The following HMHB1 variants were observed in gnomAD, a reference collection of about 807,000 sequenced individuals.
HMHB1 encodes the protein histocompatibility minor HB-1, also known as minor histocompatibility protein HB-1.
A neutral mutation model predicts 2.4 loss-of-function variants in HMHB1; 4 were observed. The observed-to-expected ratio is 1.65, with a 90% CI of 0.81 to 3.77. The LOEUF (loss-of-function observed/expected upper bound fraction) is 3.77, where lower values mean the gene tolerates loss of function less well. HMHB1 is among the 30% of genes most tolerant of loss of function. The probability of loss-of-function intolerance (pLI) is 0.01; values close to 1 mark genes in which losing one functional copy is unlikely to be tolerated. For synonymous variants in HMHB1, 22 were observed against 17.6 expected, an observed-to-expected ratio of 1.25 and a Z score of -0.63; for missense variants, 57 against 44.2, an observed-to-expected ratio of 1.29 and a Z score of -0.82.
At chr5:143,813,753 T>A (rs1034569070) in intron 1 of HMHB1, among the ~76,000 whole-genome samples, 2 of 152,226 alleles carry the variant, frequency 1.3e-5, no homozygotes, top group Admixed American at 6.5e-5. Context: ...TAACTTTTTT[T>A]ATCTCCAGAT....
At position 143,812,166 on chromosome 5, in the gene HMHB1, T is replaced by A. The variant is rs1581009835; in HGVS notation, c.-102T>A. The A allele has an allele frequency of 6.8e-6, 7 of 1,029,606 alleles. No homozygotes were observed. The East Asian group carries it at 1.8e-4, about 27-fold the overall frequency. The allele number at this position is 1,029,606 out of a possible 1,614,324, so 63.8% of individuals were successfully genotyped here. ...CAATTCTGCAGATGAGGAAACCACATCCCAGGAGGCCGAGGCGGCTTGCCC... is the reference window on the plus strand; with the variant it reads ...CAATTCTGCAGATGAGGAAACCACAACCCAGGAGGCCGAGGCGGCTTGCCC... On this transcript the variant is annotated 5_prime_UTR_variant, in exon 1 of 2. Coordinates refer to ENST00000289448, the MANE Select transcript of HMHB1 (RefSeq NM_021182.3).
At chr5:143,814,459 T>C (rs1008864) in intron 1 of HMHB1, among the ~76,000 whole-genome samples, 5,642 of 152,312 alleles carry the variant, frequency 0.037, 254 homozygotes, top group African/African-American at 0.092. Flanking sequence ...TGACTTACAC[T>C]GGCCCCAACA....
intron 1 of HMHB1, among the ~76,000 whole-genome samples, chr5:143,817,923 G>T (rs1759767590): frequency 6.6e-6 from 1 of 152,150 alleles, no homozygotes; most frequent in African/African-American, 2.4e-5. Context: ...GAAATTAAAG[G>T]AGACCTTTGA....
chr5:143,820,679 G>C lies in HMHB1; in HGVS notation c.*111G>C. Reference sequence around the variant, plus strand: ...TAAGCAAGTGGAACATATGCCCTTTGCCTCTGCTCTGCACAGTGAAATGAA... The same window carrying C: ...TAAGCAAGTGGAACATATGCCCTTTCCCTCTGCTCTGCACAGTGAAATGAA... On this transcript the variant is annotated 3_prime_UTR_variant, in exon 2 of 2. Coordinates refer to ENST00000289448, the MANE Select transcript of HMHB1 (RefSeq NM_021182.3). 1 of 713,514 alleles carries C rather than the reference G, an allele frequency of 1.4e-6. No homozygotes were observed. The highest frequency in any genetic ancestry group is 2.6e-6 in the Non-Finnish European group (1 of 390,166). 44.2% of individuals were successfully genotyped at this position (713,514 alleles called of 1,614,324 possible). A position where few individuals can be genotyped will look rare whatever the true frequency, so the allele number is the denominator to read the frequency against.
At position 143,812,323 on chromosome 5, in the gene HMHB1, G is replaced by C; in HGVS notation, c.37+19G>C. On this transcript the variant is annotated intron_variant, in intron 1 of 1. Coordinates refer to ENST00000289448, the MANE Select transcript of HMHB1 (RefSeq NM_021182.3). ...AAAAGAGGTGAGGGAGCGAGGAGGA[G>C]GGAGAACAGAGAGAGAGGGAAAGAG... 6.4e-7 allele frequency: 1 copy of C among 1,550,556 alleles called. No individual in the cohort carries two copies. The highest frequency in any genetic ancestry group is 8.7e-7 in the Non-Finnish European group (1 of 1,145,938).
chr5:143,817,169 C>T (rs1398224455), intron 1 of HMHB1, among the ~76,000 whole-genome samples: 1 of 152,164 alleles, frequency 6.6e-6, no homozygotes, highest in Non-Finnish European at 1.5e-5. Context: ...CATCTGTTTA[C>T]TCTGCTGTTT....
chr5:143,818,623 T>G (rs905563345), intron 1 of HMHB1, among the ~76,000 whole-genome samples: 1 of 152,244 alleles, frequency 6.6e-6, no homozygotes, highest in Non-Finnish European at 1.5e-5. Context: ...CTATGCAGCC[T>G]ATAGTTAAAC....
intron 1 of HMHB1, 53 bp downstream of exon 1, chr5:143,812,357 G>C: frequency 4.0e-6 from 6 of 1,499,842 alleles, no homozygotes; most frequent in Non-Finnish European, 5.4e-6. Flanking sequence ...AGGCAGCGAA[G>C]GGGCAGAGAA....
chr5:143,812,353 C>G, intron 1 of HMHB1, 49 bp downstream of exon 1: 1 of 1,500,704 alleles, frequency 6.7e-7, no homozygotes, highest in Non-Finnish European at 9.1e-7. Flanking sequence ...AAAGAGGCAG[C>G]GAAGGGGCAG....
Position 143,820,460 on chromosome 5 carries a change from T to C in HMHB1, c.38-20T>C. The C allele has an allele frequency of 1.3e-6, 2 of 1,499,488 alleles. No homozygotes were observed. Among genetic ancestry groups the C allele is most frequent in the South Asian group, 2.3e-5 (2 of 88,730 alleles). 92.9% of individuals were successfully genotyped at this position (1,499,488 alleles called of 1,614,324 possible). A position where few individuals can be genotyped will look rare whatever the true frequency, so the allele number is the denominator to read the frequency against. On this transcript the variant is annotated intron_variant, in intron 1 of 1. Coordinates refer to ENST00000289448, the MANE Select transcript of HMHB1 (RefSeq NM_021182.3). Reference sequence around the variant, plus strand: ...AGAAGTTGTAAGCTCAAGTCTCAGCTAAGCCATTCTTTTCTATAGGTTCTC... The same window carrying C: ...AGAAGTTGTAAGCTCAAGTCTCAGCCAAGCCATTCTTTTCTATAGGTTCTC...
intron 1 of HMHB1, among the ~76,000 whole-genome samples, chr5:143,815,441 T>C (rs929400560): frequency 6.6e-6 from 1 of 152,180 alleles, no homozygotes; most frequent in Non-Finnish European, 1.5e-5. Context: ...TCTCTAACCT[T>C]TTTTCAAAGT....
intron 1 of HMHB1, among the ~76,000 whole-genome samples, chr5:143,818,773 T>C (rs947843902): frequency 1.3e-5 from 2 of 152,180 alleles, no homozygotes; most frequent in East Asian, 1.9e-4. Flanking sequence ...ATTTTTTTTT[T>C]CTCTTCCTTT....
intron 1 of HMHB1, among the ~76,000 whole-genome samples, chr5:143,818,580 G>A (rs1465659088): frequency 6.6e-6 from 1 of 152,172 alleles, no homozygotes; most frequent in African/African-American, 2.4e-5. Flanking sequence ...TAGCCCAAAT[G>A]TGGATACAAA....
chr5:143,820,318 TAAAAAAAAAAAAAA>T (rs60960654), intron 1 of HMHB1, among the ~76,000 whole-genome samples, 148 bp from the exon 2 acceptor site: 1,268 of 47,648 alleles, frequency 0.027, 49 homozygotes, highest in African/African-American at 0.081. Flanking sequence ...TCATCATAAG[TAAAAAAAAAAAAAA>T]AAAAAAAAAA....
At chr5:143,812,544 C>A (rs1046969849) in intron 1 of HMHB1, among the ~76,000 whole-genome samples, 7 of 152,114 alleles carry the variant, frequency 4.6e-5, no homozygotes, top group African/African-American at 7.2e-5. Context: ...GCTGTCAGGG[C>A]ACCAGAGGCA....
At chr5:143,817,598 G>A (rs1448532137) in intron 1 of HMHB1, among the ~76,000 whole-genome samples, 1 of 152,120 alleles carries the variant, frequency 6.6e-6, no homozygotes, top group Non-Finnish European at 1.5e-5. Flanking sequence ...TGCTGTTTTG[G>A]TGACTATGTC....
In HMHB1 at chr5:143,818,763, A is replaced by AT. The variant is rs372966254; in HGVS notation, c.38-1707dup. On this transcript the variant is annotated intron_variant, in intron 1 of 1. Transcript: ENST00000289448. ...GCTTGACACATAGCGAGTACTTGCT[A>AT]TTTTTTTTTTCTCTTCCTTTTTTTC... 7.9e-4 allele frequency among the ~76,000 whole-genome samples: 118 copies of AT among 150,014 alleles called. 2 individuals carry two copies. The South Asian group carries it at 0.011, about 14-fold the overall frequency.
intron 1 of HMHB1, among the ~76,000 whole-genome samples, chr5:143,812,762 C>T (rs3792816): frequency 0.022 from 3,383 of 152,278 alleles, 71 homozygotes; most frequent in Admixed American, 0.056. Flanking sequence ...TCACCATCAT[C>T]GCCATGCTCC....
chr5:143,820,601 GT>G lies in HMHB1; in HGVS notation c.*37del. 1.4e-6 allele frequency: 2 copies of G among 1,422,518 alleles called. No individual in the cohort carries two copies. Among genetic ancestry groups the G allele is most frequent in the Non-Finnish European group, 2.0e-6 (2 of 1,007,020 alleles). The allele number at this position is 1,422,518 out of a possible 1,614,324, so 88.1% of individuals were successfully genotyped here. A position where few individuals can be genotyped will look rare whatever the true frequency, so the allele number is the denominator to read the frequency against. On this transcript the variant is annotated 3_prime_UTR_variant, in exon 2 of 2. Coordinates refer to ENST00000289448, the MANE Select transcript of HMHB1 (RefSeq NM_021182.3). ...GTTGAGGTTTGACTCGAAGCCCAGA[GT>G]TTTGGTGTGGATGAGCAGGGACAAA...
Sources: gnomAD v4.1 joint callset for allele counts (sites outside exome capture counted in the v4.1 genomes callset) on GRCh38, gnomAD v4.1.1 for gene constraint, MANE v1.5 for transcripts, NCBI Gene and HGNC (gene_info 2026-07-23, HGNC 2026-07-21) for gene names.